CDC42BPA: variants seen among roughly 807,000 people sequenced by gnomAD.
CDC42BPA encodes the protein CDC42 binding protein kinase alpha, also known as serine/threonine-protein kinase MRCK alpha.
Under a neutral mutation model 223.5 loss-of-function variants are expected in CDC42BPA, and 80 were observed. The ratio of observed to expected loss-of-function variants is 0.36; its 90% confidence interval spans 0.30 to 0.43. The LOEUF is 0.43. Among genes scored for constraint, CDC42BPA ranks in the 20% least tolerant of loss-of-function variants. The pLI is 1.00. For synonymous variants in CDC42BPA, 694 were observed against 718.6 expected, an observed-to-expected ratio of 0.97 and a Z score of 0.55; for missense variants, 1,743 against 2,099.9, an observed-to-expected ratio of 0.83 and a Z score of 3.32.
Position 227,199,557 on chromosome 1 carries a change from T to C in CDC42BPA, c.450A>G (p.Leu150=), listed in dbSNP as rs968812756. The change falls in exon 4 of 37, where the codon TTA becomes TTG. Residue 150 remains leucine, a splice_region_variant and synonymous_variant. Coordinates refer to ENST00000366766, the MANE Select transcript of CDC42BPA (RefSeq NM_001394014.1). ...ATAGAAATACAAAAATGATTCTTAC[T>C]AAGTTATTGTCATCCTGGAAAGCAT... ...LHYAFQDDNN[L]YLVMDYYVGG... 6.6e-7 allele frequency: 1 copy of C among 1,508,960 alleles called. No individual in the cohort carries two copies. The highest frequency in any genetic ancestry group is 2.3e-5 in the East Asian group (1 of 43,984). The allele number at this position is 1,508,960 out of a possible 1,614,324, so 93.5% of individuals were successfully genotyped here.
chr1:227,262,756 T>A (rs1245099573), intron 1 of CDC42BPA, among the ~76,000 whole-genome samples: 3 of 152,116 alleles, frequency 2.0e-5, no homozygotes, highest in African/African-American at 7.2e-5. Flanking sequence ...AGAGGAACAA[T>A]AAGGAATTAA....
intron 35 of CDC42BPA, 51 bp from the exon 36 acceptor site, chr1:226,995,031 T>C: frequency 1.3e-6 from 2 of 1,531,712 alleles, no homozygotes; most frequent in East Asian, 2.3e-5. Context: ...GGGACAATAC[T>C]CTAGAAAGCA....
chr1:227,251,521 A>G (rs76046364), intron 2 of CDC42BPA, among the ~76,000 whole-genome samples: 9,098 of 152,284 alleles, frequency 0.06, 276 homozygotes, highest in Non-Finnish European at 0.072. Flanking sequence ...ATAGAAAGCT[A>G]AAACGAAAAG....
chr1:227,162,054 C>A (rs1041737290), intron 5 of CDC42BPA, among the ~76,000 whole-genome samples: 3 of 152,054 alleles, frequency 2.0e-5, no homozygotes, highest in African/African-American at 7.2e-5. Context: ...ATATTTTATT[C>A]TTTATCTTAA....
At position 226,994,028 on chromosome 1, in the gene CDC42BPA, G is replaced by A. The variant is rs1296152417; in HGVS notation, c.*240C>T. ...AATGTTACTGAAAGCAACTCTAAGT[G>A]CATGGAATGAAATCAACGTTAATCT... is the stretch of plus-strand genomic sequence containing the variant. On this transcript the variant is annotated 3_prime_UTR_variant, in exon 37 of 37. Coordinates refer to ENST00000366766, the MANE Select transcript of CDC42BPA (RefSeq NM_001394014.1). The surrounding 1 kb of genome is among the most constrained non-coding windows in gnomAD (Gnocchi z 4.0). 2 of 472,614 alleles carry A rather than the reference G, an allele frequency of 4.2e-6. No homozygotes were observed. The highest frequency in any genetic ancestry group is 7.6e-5 in the East Asian group (2 of 26,246). 29.3% of individuals were successfully genotyped at this position (472,614 alleles called of 1,614,324 possible). A position where few individuals can be genotyped will look rare whatever the true frequency, so the allele number is the denominator to read the frequency against.
chr1:227,072,779 CTGACT>C (rs1227917135), intron 19 of CDC42BPA, among the ~76,000 whole-genome samples: 2 of 151,940 alleles, frequency 1.3e-5, no homozygotes, highest in African/African-American at 2.4e-5. Context: ...GCTCATCTTC[CTGACT>C]TATGAACAAT....
intron 1 of CDC42BPA, among the ~76,000 whole-genome samples, chr1:227,289,740 C>T (rs1428533776): frequency 6.6e-6 from 1 of 152,018 alleles, no homozygotes; most frequent in Non-Finnish European, 1.5e-5. Context: ...CAAAAAACAA[C>T]AAATCTTAAG....
At chr1:227,075,747 C>T (rs542881503) in intron 17 of CDC42BPA, among the ~76,000 whole-genome samples, 1 of 152,120 alleles carries the variant, frequency 6.6e-6, no homozygotes, top group Admixed American at 6.5e-5. Context: ...AAAAAAGATA[C>T]TTATATAGTA....
At chr1:227,296,639 G>A (rs1301851614) in intron 1 of CDC42BPA, among the ~76,000 whole-genome samples, 2 of 150,100 alleles carry the variant, frequency 1.3e-5, no homozygotes, top group Non-Finnish European at 2.9e-5. Flanking sequence ...TCAGGAGGCG[G>A]AGGATGCAGA....
In CDC42BPA at chr1:227,069,727, A is replaced by T. The variant is rs765058125; in HGVS notation, c.2904+50T>A. 8 of 1,296,838 alleles carry T rather than the reference A, an allele frequency of 6.2e-6. No individual in the cohort carries two copies. In the South Asian group the frequency reaches 8.7e-5, roughly 14 times the overall value. 80.3% of individuals were successfully genotyped at this position (1,296,838 alleles called of 1,614,324 possible). ...ATTATAAGTGAACTTTAAATTACAA[A>T]GTGAATTTTAAATTGACCCCAGAGG... On this transcript the variant is annotated intron_variant, in intron 21 of 36. Coordinates refer to ENST00000366766, the MANE Select transcript of CDC42BPA (RefSeq NM_001394014.1).
At chr1:227,266,376 G>A (rs762905445) in intron 1 of CDC42BPA, among the ~76,000 whole-genome samples, 2 of 152,128 alleles carry the variant, frequency 1.3e-5, no homozygotes, top group Admixed American at 6.6e-5. Flanking sequence ...TTGCAACCAT[G>A]AAAGGAAAAA....
chr1:227,194,327 C>T (rs924584786), intron 4 of CDC42BPA, among the ~76,000 whole-genome samples: 1 of 152,122 alleles, frequency 6.6e-6, no homozygotes, highest in Admixed American at 6.5e-5. Context: ...ACAGGATAGT[C>T]CCTACATTGA....
intron 5 of CDC42BPA, among the ~76,000 whole-genome samples, chr1:227,167,121 T>C (rs902941533): frequency 6.6e-6 from 1 of 152,140 alleles, no homozygotes; most frequent in African/African-American, 2.4e-5. Context: ...GAATAAAAAC[T>C]AGAGGCCTCC....
chr1:227,016,787 C>G, intron 33 of CDC42BPA, 140 bp downstream of exon 33: 4 of 732,874 alleles, frequency 5.5e-6, no homozygotes, highest in Non-Finnish European at 6.5e-6. Context: ...AAGTTACATT[C>G]ATTATTGCAG....
intron 16 of CDC42BPA, among the ~76,000 whole-genome samples, chr1:227,086,608 A>G (rs1681960129): frequency 6.6e-6 from 1 of 151,528 alleles, no homozygotes. Flanking sequence ...TTCATGTATC[A>G]TCTTTCATGA....
At chr1:227,009,655 G>C (rs1193351722) in intron 34 of CDC42BPA, among the ~76,000 whole-genome samples, 5 of 151,806 alleles carry the variant, frequency 3.3e-5, no homozygotes, top group African/African-American at 1.2e-4. Flanking sequence ...GGCTCAAGTG[G>C]TCCTCCTGCC....
intron 1 of CDC42BPA, among the ~76,000 whole-genome samples, chr1:227,294,108 A>G (rs1572909933): frequency 6.6e-6 from 1 of 151,798 alleles, no homozygotes; most frequent in Non-Finnish European, 1.5e-5. Context: ...CGTCTCTACT[A>G]AAAATACAAA....
intron 10 of CDC42BPA, among the ~76,000 whole-genome samples, chr1:227,132,941 C>T (rs1657539835): frequency 6.6e-6 from 1 of 151,260 alleles, no homozygotes; most frequent in Non-Finnish European, 1.5e-5. Flanking sequence ...CCGGCAGCCG[C>T]CCTGTCTGAG....
At chr1:227,197,816 G>C (rs184134505) in intron 4 of CDC42BPA, among the ~76,000 whole-genome samples, 1 of 151,820 alleles carries the variant, frequency 6.6e-6, no homozygotes, top group Admixed American at 6.6e-5. Flanking sequence ...AATTTTTCTA[G>C]GCAAAGATGT....
Sources: allele counts gnomAD v4.1 joint callset (sites outside exome capture counted in the v4.1 genomes callset), GRCh38; gene constraint gnomAD v4.1.1; non-coding constraint Gnocchi (gnomAD v3.1); transcripts MANE v1.5; gene names NCBI Gene and HGNC (gene_info 2026-07-23, HGNC 2026-07-21).